The following MVB12A variants were observed in gnomAD, a reference collection of about 807,000 sequenced individuals.
MVB12A encodes multivesicular body subunit 12A.
A neutral mutation model predicts 34.3 loss-of-function variants in MVB12A; 30 were observed. The ratio of observed to expected loss-of-function variants is 0.88; its 90% CI spans 0.65 to 1.19. MVB12A has a LOEUF of 1.19. Ranked by LOEUF, MVB12A falls within the 50% of genes most tolerant of loss-of-function variation. The probability of loss-of-function intolerance (pLI) is 0.00; values close to 1 mark genes in which losing one functional copy is unlikely to be tolerated. For missense variants in MVB12A, 355 were observed against 369.2 expected, an observed-to-expected ratio of 0.96 and a Z score of 0.31; for synonymous variants, 158 against 158.9, an observed-to-expected ratio of 0.99 and a Z score of 0.04.
At chr19:17,418,088 G>T (rs189854596), upstream of MVB12A, 148 of 153,402 alleles carry the variant, frequency 9.6e-4, no homozygotes, top group Middle Eastern at 3.3e-3. Flanking sequence ...GTAGAGACGG[G>T]GTTTCACCAT....
intron 2 of MVB12A, among the ~76,000 whole-genome samples, chr19:17,409,815 G>A (rs995241689): frequency 4.0e-5 from 6 of 150,612 alleles, no homozygotes; most frequent in Admixed American, 6.6e-5. Context: ...GCATTGGCAC[G>A]ATCTCGTCTC....
chr19:17,409,443 T>A (rs1193549559), intron 2 of MVB12A, among the ~76,000 whole-genome samples: 1 of 81,742 alleles, frequency 1.2e-5, no homozygotes, highest in Non-Finnish European at 2.1e-5. Context: ...TGCCATTACT[T>A]TTTTTTTTTT....
chr19:17,411,259 C>T (rs1268537854), intron 2 of MVB12A, among the ~76,000 whole-genome samples: 12 of 152,102 alleles, frequency 7.9e-5, no homozygotes, highest in Admixed American at 7.2e-4. Flanking sequence ...AGCCACCGTG[C>T]CCGGCCAACA....
chr19:17,413,722 C>G (rs1457326943), intron 2 of MVB12A, among the ~76,000 whole-genome samples: 1 of 152,158 alleles, frequency 6.6e-6, no homozygotes, highest in African/African-American at 2.4e-5. Flanking sequence ...AACAAACAAA[C>G]CAATACAAAC....
intron 2 of MVB12A, among the ~76,000 whole-genome samples, chr19:17,413,806 A>AAT (rs1176972545): frequency 6.6e-6 from 1 of 152,194 alleles, no homozygotes; most frequent in Non-Finnish European, 1.5e-5. Flanking sequence ...AGGAAAAAGC[A>AAT]ATATATAGAA....
At chr19:17,406,739 G>A (rs1275094684) in intron 2 of MVB12A, among the ~76,000 whole-genome samples, 1 of 152,194 alleles carries the variant, frequency 6.6e-6, no homozygotes, top group Non-Finnish European at 1.5e-5. Context: ...GAGCCCAGGA[G>A]TTTGAGGCTG....
upstream of MVB12A, chr19:17,418,836 A>G (rs2074817955): frequency 6.7e-6 from 1 of 148,648 alleles, no homozygotes. Context: ...CCCTGTTGCC[A>G]TGACAGCCCT....
In MVB12A at chr19:17,424,074, C is replaced by T. The variant is rs201027068; in HGVS notation, c.702+7C>T. ...CAAGAGCTGCAGCCCCCTGGTGAGT[C>T]GGGGTCTCAGGGAGCCTGGGTCTGC... On this transcript the variant is annotated splice_region_variant and intron_variant, in intron 7 of 8. Transcript: ENST00000317040. The T allele has an allele frequency of 6.1e-4, 984 of 1,613,920 alleles. 8 individuals are homozygous for T. In the South Asian group the frequency reaches 8.9e-3, roughly 15 times the overall value.
upstream of MVB12A, chr19:17,417,213 C>CTTTTTTTTTTTTTTTTTTTT (rs35583565): frequency 6.2e-5 from 6 of 96,562 alleles, 1 homozygote; most frequent in African/African-American, 2.3e-4. Flanking sequence ...TCACCCAGAG[C>CTTTTTTTTTTTTTTTTTTTT]TTTTTTTTTT....
At position 17,423,757 on chromosome 19, in the gene MVB12A, A is replaced by G; in HGVS notation, c.598A>G (p.Asn200Asp). 4 of 1,614,012 alleles carry G rather than the reference A, an allele frequency of 2.5e-6. No homozygotes were observed. Among genetic ancestry groups the G allele is most frequent in the Non-Finnish European group, 3.4e-6 (4 of 1,179,932 alleles). Residue 200 changes from asparagine to aspartate, a missense_variant, in exon 6 of 9, where the codon AAT (asparagine) becomes GAT (aspartate). Asn to Asp is a conservative substitution (Grantham distance 23). Transcript: ENST00000317040. ...CTCTCGGGCATCCACTCTGCGGAGGAATGACTCCATCTACGAGGCCTCCAG... is the reference window on the plus strand; with the variant it reads ...CTCTCGGGCATCCACTCTGCGGAGGGATGACTCCATCTACGAGGCCTCCAG... ...LGSRASTLRR[N>D]DSIYEASSLY...
upstream of MVB12A, chr19:17,420,013 CCG>C (rs1356908477): frequency 3.4e-6 from 1 of 293,380 alleles, no homozygotes; most frequent in East Asian, 5.5e-5. Flanking sequence ...CGGGCAATCT[CCG>C]CCCCCCCCCC....
intron 2 of MVB12A, among the ~76,000 whole-genome samples, chr19:17,406,532 T>C (rs761448560): frequency 3.3e-5 from 5 of 152,070 alleles, no homozygotes; most frequent in African/African-American, 4.8e-5. Context: ...ATGTTTTTTT[T>C]TCTTTTCAGC....
chr19:17,416,991 C>T, upstream of MVB12A: 1 of 306,378 alleles, frequency 3.3e-6, no homozygotes, highest in South Asian at 2.8e-5. Flanking sequence ...TCACTCCTGG[C>T]ATAGAAAGTT....
chr19:17,421,150 G>A (rs975634501), intron 3 of MVB12A: 7 of 443,012 alleles, frequency 1.6e-5, no homozygotes, highest in African/African-American at 1.5e-4. Flanking sequence ...TTTGACTCAG[G>A]CTATATTCAT....
intron 2 of MVB12A, among the ~76,000 whole-genome samples, chr19:17,408,187 C>T (rs2074741095): frequency 6.6e-6 from 1 of 151,944 alleles, no homozygotes; most frequent in African/African-American, 2.4e-5. Flanking sequence ...TTTTATTATA[C>T]TGGAACAGCT....
At chr19:17,417,230 T>A, upstream of MVB12A, 1 of 161,608 alleles carries the variant, frequency 6.2e-6, no homozygotes, top group Non-Finnish European at 1.2e-5. Flanking sequence ...TTTTTTTTTT[T>A]TTTTTTTTGC....
At chr19:17,411,469 C>G (rs2074769094) in intron 2 of MVB12A, among the ~76,000 whole-genome samples, 1 of 152,088 alleles carries the variant, frequency 6.6e-6, no homozygotes, top group Admixed American at 6.6e-5. Context: ...GATCCTCCCA[C>G]CTCAGCCTCC....
At chr19:17,418,650 A>G (rs1261232604), upstream of MVB12A, among the ~76,000 whole-genome samples, 1 of 151,836 alleles carries the variant, frequency 6.6e-6, no homozygotes, top group African/African-American at 2.4e-5. Context: ...TCGGCCTCCC[A>G]AAGTGCTGGG....
chr19:17,423,439 A>G, intron 4 of MVB12A, 59 bp from the exon 5 acceptor site: 5 of 1,580,838 alleles, frequency 3.2e-6, no homozygotes. Context: ...TCCAGGGGCT[A>G]TCCTCAACCC....
Sources: gnomAD v4.1 joint callset for allele counts (sites outside exome capture counted in the v4.1 genomes callset) on GRCh38, gnomAD v4.1.1 for gene constraint, MANE v1.5 for transcripts, NCBI Gene and HGNC (gene_info 2026-07-23, HGNC 2026-07-21) for gene names.